The following COBLL1 variants were observed in gnomAD, a reference collection of about 807,000 sequenced individuals.
COBLL1 encodes cordon-bleu protein-like 1.
COBLL1 carries 50 observed loss-of-function variants against 94.8 expected under a neutral mutation model. The observed-to-expected ratio is 0.53, with a 90% CI of 0.42 to 0.67. COBLL1 has a LOEUF of 0.67. COBLL1 is among the 30% of genes least tolerant of loss of function. The pLI is 0.00. For missense variants in COBLL1, 1,362 were observed against 1,348.7 expected, an observed-to-expected ratio of 1.01 and a Z score of -0.15; for synonymous variants, 448 against 473.8, an observed-to-expected ratio of 0.95 and a Z score of 0.71.
intron 2 of COBLL1, among the ~76,000 whole-genome samples, chr2:164,811,104 G>C (rs1684435828): frequency 6.6e-6 from 1 of 151,920 alleles, no homozygotes; most frequent in Admixed American, 6.6e-5. Context: ...AACAGTCATT[G>C]ACAACTGGGA....
intron 2 of COBLL1, among the ~76,000 whole-genome samples, chr2:164,799,921 T>C (rs1175948700): frequency 1.3e-5 from 2 of 152,196 alleles, no homozygotes; most frequent in Admixed American, 6.5e-5. Flanking sequence ...CTAAAGCTTA[T>C]ACCTTTAACA....
chr2:164,815,495 C>G (rs79865331), intron 2 of COBLL1, among the ~76,000 whole-genome samples: 1 of 151,790 alleles, frequency 6.6e-6, no homozygotes, highest in African/African-American at 2.4e-5. Flanking sequence ...TGAAATCAGA[C>G]AGATCTGACA....
chr2:164,665,928 T>A (rs996229079), intron 1 of COBLL1: 9 of 152,230 alleles, frequency 5.9e-5, no homozygotes, highest in African/African-American at 2.2e-4. Context: ...TTGACAGTGC[T>A]AGTGTTCTAC....
At chr2:164,718,565 T>C (rs931479434) in intron 7 of COBLL1, among the ~76,000 whole-genome samples, 3 of 152,224 alleles carry the variant, frequency 2.0e-5, no homozygotes, top group African/African-American at 7.2e-5. Flanking sequence ...TTAACAGTGG[T>C]TGCCTCTGGG....
chr2:164,813,630 A>G (rs1335120209), intron 2 of COBLL1, among the ~76,000 whole-genome samples: 1 of 152,204 alleles, frequency 6.6e-6, no homozygotes, highest in Non-Finnish European at 1.5e-5. Flanking sequence ...TAAGAAATGA[A>G]CAACAAAGTA....
rs73013647 is a variant in COBLL1 at position 164,687,394 on chromosome 2, T to A, written c.3301-1362A>T. 4 of 839,574 alleles carry A rather than the reference T, an allele frequency of 4.8e-6. No homozygotes were observed. The African/African-American group carries it at 6.6e-5, about 14-fold the overall frequency. 52.0% of individuals were successfully genotyped at this position (839,574 alleles called of 1,614,324 possible). A position where few individuals can be genotyped will look rare whatever the true frequency, so the allele number is the denominator to read the frequency against. Reference sequence around the variant, plus strand: ...CACCATGTCTTCAAATTCATCGACATTGAACTTGGTGAAGCCCCATTTCTT... The same window carrying A: ...CACCATGTCTTCAAATTCATCGACAATGAACTTGGTGAAGCCCCATTTCTT... On this transcript the variant is annotated intron_variant, in intron 13 of 13. Coordinates refer to ENST00000652658, the MANE Select transcript of COBLL1 (RefSeq NM_001365672.2).
chr2:164,703,994 G>A (rs1222127779), intron 9 of COBLL1, among the ~76,000 whole-genome samples: 1 of 152,162 alleles, frequency 6.6e-6, no homozygotes, highest in Admixed American at 6.5e-5. Context: ...CATTTTCATG[G>A]TAACAGATTT....
intron 12 of COBLL1, among the ~76,000 whole-genome samples, chr2:164,693,688 T>C (rs1216380156): frequency 2.0e-5 from 3 of 152,234 alleles, no homozygotes; most frequent in Admixed American, 2.0e-4. Context: ...TAGTTGAAAG[T>C]TGACACTGAA....
At position 164,695,223 on chromosome 2, in the gene COBLL1, T is replaced by C; in HGVS notation, c.2169A>G (p.Arg723=). 1 of 1,613,982 alleles carries C rather than the reference T, an allele frequency of 6.2e-7. No individual in the cohort carries two copies. The highest frequency in any genetic ancestry group is 8.5e-7 in the Non-Finnish European group (1 of 1,179,954). The change falls in exon 12 of 14, where the codon CGA becomes CGG. Residue 723 remains arginine (R), a synonymous_variant. Transcript: ENST00000652658. ...PKPKPSNEIT[R]EYIPKIGMTT... ...TCATGCCAATTTTGGGTATATACTCTCGTGTAATTTCATTTGAAGGTTTTG... is the reference window on the plus strand; with the variant it reads ...TCATGCCAATTTTGGGTATATACTCCCGTGTAATTTCATTTGAAGGTTTTG...
chr2:164,767,866 G>A (rs1248314020), intron 2 of COBLL1, among the ~76,000 whole-genome samples: 1 of 152,056 alleles, frequency 6.6e-6, no homozygotes, highest in African/African-American at 2.4e-5. Flanking sequence ...ATAAGCAATT[G>A]TAAAAACAGG....
At chr2:164,801,054 C>T (rs1223116879) in intron 2 of COBLL1, among the ~76,000 whole-genome samples, 1 of 152,124 alleles carries the variant, frequency 6.6e-6, no homozygotes. Context: ...AATCCCAACT[C>T]TGGGAAAATA....
At chr2:164,742,067 T>A (rs114762219) in intron 3 of COBLL1, among the ~76,000 whole-genome samples, 2,089 of 152,084 alleles carry the variant, frequency 0.014, 23 homozygotes, top group Middle Eastern at 0.034. Flanking sequence ...GTTTCCAGAG[T>A]TGAGGAAACA....
Position 164,798,794 on chromosome 2 carries a change from C to T in COBLL1, c.41+42362G>A, listed in dbSNP as rs534909044. Reference sequence around the variant, plus strand: ...CAGCACTTTGGGAGGCCAAGGCAGGCGGATCACGAGGTCAGGAGATCGAGA... The same window carrying T: ...CAGCACTTTGGGAGGCCAAGGCAGGTGGATCACGAGGTCAGGAGATCGAGA... On this transcript the variant is annotated intron_variant, in intron 2 of 13. Transcript: ENST00000652658. 3.3e-5 allele frequency among the ~76,000 whole-genome samples: 5 copies of T among 151,352 alleles called. No homozygotes were observed. The East Asian group carries it at 7.9e-4, about 24-fold the overall frequency.
rs1050662316 is a variant in COBLL1, at chr2:164,687,400, T to C, written c.3301-1368A>G. ...GTCTTCAAATTCATCGACATTGAAC[T>C]TGGTGAAGCCCCATTTCTTTGAGAA... On this transcript the variant is annotated intron_variant, in intron 13 of 13. Transcript: ENST00000652658. 2.0e-5 allele frequency: 17 copies of C among 865,418 alleles called. No individual in the cohort carries two copies. The East Asian group carries it at 2.4e-4, about 12-fold the overall frequency. The allele number at this position is 865,418 out of a possible 1,614,324, so 53.6% of individuals were successfully genotyped here.
Position 164,725,101 on chromosome 2 carries a change from G to GATATAT in COBLL1, c.662-2585_662-2580dup, listed in dbSNP as rs760164549. On this transcript the variant is annotated intron_variant, in intron 5 of 13. Transcript: ENST00000652658. ...GAAGATGCTAGCATTTACCCTGCAG[G>GATATAT]ATATATATATATATATATATATATA... 6.5e-3 allele frequency: 493 copies of GATATAT among 76,228 alleles called. 3 individuals carry two copies. Among genetic ancestry groups the GATATAT allele is most frequent in the South Asian group, 0.027 (69 of 2,602 alleles). 4.7% of individuals were successfully genotyped at this position (76,228 alleles called of 1,614,324 possible). A position where few individuals can be genotyped will look rare whatever the true frequency, so the allele number is the denominator to read the frequency against.
intron 3 of COBLL1, among the ~76,000 whole-genome samples, chr2:164,731,179 T>C (rs1208016054): frequency 1.3e-5 from 2 of 152,238 alleles, no homozygotes; most frequent in Non-Finnish European, 2.9e-5. Context: ...ACACCTACTA[T>C]ATAGGCATAG....
At chr2:164,773,377 G>T (rs1688300991) in intron 2 of COBLL1, among the ~76,000 whole-genome samples, 1 of 152,086 alleles carries the variant, frequency 6.6e-6, no homozygotes, top group African/African-American at 2.4e-5. Context: ...ATGAACAGCA[G>T]TAGTTAATAT....
At chr2:164,751,219 CCATCA>C (rs1314677168) in intron 2 of COBLL1, among the ~76,000 whole-genome samples, 1 of 152,106 alleles carries the variant, frequency 6.6e-6, no homozygotes, top group Non-Finnish European at 1.5e-5. Flanking sequence ...TGCTTGGTCC[CCATCA>C]CATTTATCAC....
chr2:164,681,915 G>C lies in COBLL1; in HGVS notation c.*4031C>G, dbSNP rs990540421. The C allele has an allele frequency of 6.6e-5, 10 of 152,170 alleles. No homozygotes were observed. Among genetic ancestry groups the C allele is most frequent in the Non-Finnish European group, 7.4e-5 (5 of 68,026 alleles). 9.4% of individuals were successfully genotyped at this position (152,170 alleles called of 1,614,324 possible). On this transcript the variant is annotated 3_prime_UTR_variant, in exon 14 of 14. Coordinates refer to ENST00000652658, the MANE Select transcript of COBLL1 (RefSeq NM_001365672.2). ...ATTTTTTCCTTGTTGTAAACACAATGTATCTATATGAACAGTCTAACATAT... is the reference window on the plus strand; with the variant it reads ...ATTTTTTCCTTGTTGTAAACACAATCTATCTATATGAACAGTCTAACATAT...
Sources: gnomAD v4.1 joint callset for allele counts (sites outside exome capture counted in the v4.1 genomes callset) on GRCh38, gnomAD v4.1.1 for gene constraint, MANE v1.5 for transcripts, NCBI Gene and HGNC (gene_info 2026-07-23, HGNC 2026-07-21) for gene names.